CSMD1: variants seen among roughly 807,000 people sequenced by gnomAD.
The protein encoded by CSMD1 is CUB and sushi domain-containing protein 1.
Under a neutral mutation model 417.5 loss-of-function variants are expected in CSMD1, and 213 were observed. The ratio of observed to expected loss-of-function variants is 0.51; its 90% CI spans 0.46 to 0.57. The LOEUF is 0.57. Ranked by LOEUF, CSMD1 falls within the 20% of genes least tolerant of loss-of-function variation. The pLI is 0.00. For missense variants in CSMD1, 6,923 were observed against 4,529.7 expected (o/e 1.53, Z -15.17); for synonymous variants, 2,862 against 1,736.8 (o/e 1.65, Z -16.11).
chr8:4,461,304 G>A (rs898784619), intron 2 of CSMD1, among the ~76,000 whole-genome samples: 1 of 151,942 alleles, frequency 6.6e-6, no homozygotes, highest in Non-Finnish European at 1.5e-5. Context: ...AACATTTTCT[G>A]CCTAAAATCA....
At position 3,770,354 on chromosome 8, in the gene CSMD1, C is replaced by T. The variant is rs935783759; in HGVS notation, c.819-16312G>A. On this transcript the variant is annotated intron_variant, in intron 5 of 69. Transcript: ENST00000635120. The stretch of plus-strand genomic sequence containing the variant: ...GACCAGCCTGTCCTATGTGGTGAAA[C>T]CCCGTCTCTACTAAAAATACAAAAA... 3.9e-5 allele frequency among the ~76,000 whole-genome samples: 6 copies of T among 152,228 alleles called. No homozygotes were observed. The South Asian group carries it at 8.3e-4, about 21-fold the overall frequency.
At chr8:4,823,533 G>A (rs905322132) in intron 1 of CSMD1, among the ~76,000 whole-genome samples, 2 of 152,016 alleles carry the variant, frequency 1.3e-5, no homozygotes, top group African/African-American at 4.8e-5. Flanking sequence ...CTATACTGAA[G>A]GCTCACTTAG....
chr8:3,542,147 A>G (rs1181652987), intron 10 of CSMD1, among the ~76,000 whole-genome samples: 1 of 152,222 alleles, frequency 6.6e-6, no homozygotes, highest in Non-Finnish European at 1.5e-5. Context: ...ATCCCTTTAA[A>G]GTTACATTAT....
intron 26 of CSMD1, among the ~76,000 whole-genome samples, chr8:3,231,323 C>G (rs552543584): frequency 6.6e-6 from 1 of 151,986 alleles, no homozygotes; most frequent in Non-Finnish European, 1.5e-5. Flanking sequence ...CTGACTTTTT[C>G]TCTGCAAAGT....
At chr8:4,190,957 G>GC (rs1439709594) in intron 3 of CSMD1, among the ~76,000 whole-genome samples, 3 of 152,044 alleles carry the variant, frequency 2.0e-5, no homozygotes, top group African/African-American at 7.2e-5. Flanking sequence ...GGAGAGTGGG[G>GC]GGGGCGGGGA....
intron 3 of CSMD1, among the ~76,000 whole-genome samples, chr8:4,236,266 T>A (rs1429609948): frequency 1.3e-5 from 2 of 152,052 alleles, no homozygotes; most frequent in Non-Finnish European, 2.9e-5. Context: ...TTATTTGTAA[T>A]TGGCACACTG....
chr8:3,894,704 C>T (rs933989219), intron 5 of CSMD1, among the ~76,000 whole-genome samples: 1 of 152,082 alleles, frequency 6.6e-6, no homozygotes, highest in African/African-American at 2.4e-5. Flanking sequence ...TTCCTGCCTC[C>T]AACTATATGA....
intron 2 of CSMD1, among the ~76,000 whole-genome samples, chr8:4,540,119 T>C (rs769771750): frequency 3.9e-5 from 6 of 152,156 alleles, no homozygotes; most frequent in Non-Finnish European, 7.3e-5. Flanking sequence ...CCTATGAATA[T>C]ATAAACACCG....
At chr8:4,544,811 C>T (rs541234711) in intron 2 of CSMD1, among the ~76,000 whole-genome samples, 4 of 152,304 alleles carry the variant, frequency 2.6e-5, no homozygotes, top group African/African-American at 9.6e-5. Context: ...GAATTAGCTA[C>T]CTGTAACACA....
intron 2 of CSMD1, among the ~76,000 whole-genome samples, chr8:4,498,829 T>C (rs929641644): frequency 2.0e-5 from 3 of 152,108 alleles, no homozygotes; most frequent in Non-Finnish European, 4.4e-5. Flanking sequence ...ACTTGGCAGC[T>C]AAGGGTAATT....
At position 3,307,092 on chromosome 8, in the gene CSMD1, T is replaced by G. The variant is rs187900730; in HGVS notation, c.3950+603A>C. 8.6e-3 allele frequency among the ~76,000 whole-genome samples: 1,314 copies of G among 152,306 alleles called. 9 individuals carry two copies. Among genetic ancestry groups the G allele is most frequent in the Non-Finnish European group, 0.014 (967 of 68,022 alleles). On this transcript the variant is annotated intron_variant, in intron 25 of 69. Transcript: ENST00000635120. The stretch of plus-strand genomic sequence containing the variant: ...CACACAAGTCTTTTTAAAATATGAC[T>G]TTGCTTCTCTTCCTATTAAAAGAAC...
At chr8:4,454,030 GC>G (rs1563192522) in intron 2 of CSMD1, among the ~76,000 whole-genome samples, 1 of 151,702 alleles carries the variant, frequency 6.6e-6, no homozygotes, top group East Asian at 1.9e-4. Flanking sequence ...CACCGTGTTA[GC>G]CGGGATGGTC....
chr8:4,277,509 C>T (rs572564293), intron 3 of CSMD1, among the ~76,000 whole-genome samples: 15 of 152,194 alleles, frequency 9.9e-5, no homozygotes, highest in African/African-American at 3.6e-4. Context: ...TTTCCTGGTG[C>T]CATGTTTTTC....
At chr8:3,452,347 C>A (rs1815787967) in intron 12 of CSMD1, among the ~76,000 whole-genome samples, 1 of 152,160 alleles carries the variant, frequency 6.6e-6, no homozygotes, top group Non-Finnish European at 1.5e-5. Flanking sequence ...GAACATCCAA[C>A]TCTATGTTGA....
rs758026325 is a variant in CSMD1, at chr8:3,300,456, C to G, written c.3950+7239G>C. ...GCTTATCCTGCACATAATGAGTGGACAAAATAGTTTTTGTTTTTATAGCAA... is the reference window on the plus strand; with the variant it reads ...GCTTATCCTGCACATAATGAGTGGAGAAAATAGTTTTTGTTTTTATAGCAA... On this transcript the variant is annotated intron_variant, in intron 25 of 69. Coordinates refer to ENST00000635120, the MANE Select transcript of CSMD1 (RefSeq NM_033225.6). Among the ~76,000 whole-genome samples, 40 of 151,824 alleles carry G rather than the reference C, an allele frequency of 2.6e-4. 1 individual carries two copies. The highest frequency in any genetic ancestry group is 5.4e-4 in the Non-Finnish European group (37 of 67,984).
chr8:4,744,539 T>C (rs1810826781), intron 1 of CSMD1, among the ~76,000 whole-genome samples: 1 of 152,216 alleles, frequency 6.6e-6, no homozygotes, highest in Non-Finnish European at 1.5e-5. Flanking sequence ...CCTGTCTATA[T>C]TTAGAGTAGC....
chr8:3,219,362 T>C lies in CSMD1; in HGVS notation c.4565A>G (p.Gln1522Arg). ...DSNSPLIGSY[Q>R]GSQAPERIES... is the part of the protein sequence containing the mutation. ...TATTCTTTCTGGGGCCTGAGAGCCC[T>C]GGTAACTCCCAATGAGGGGGCTGTT... The change falls in exon 29 of 70, where the codon CAG (glutamine) becomes CGG (arginine). Residue 1522 changes from glutamine (Q) to arginine (R), a missense_variant. By Grantham distance (43) the Gln-to-Arg change is conservative. Transcript: ENST00000635120. 6.4e-7 allele frequency: 1 copy of C among 1,573,014 alleles called. No individual in the cohort carries two copies. Among genetic ancestry groups the C allele is most frequent in the Non-Finnish European group, 8.6e-7 (1 of 1,158,238 alleles).
chr8:3,459,967 ACACT>A (rs1331086365), intron 12 of CSMD1, among the ~76,000 whole-genome samples: 1 of 152,204 alleles, frequency 6.6e-6, no homozygotes, highest in Non-Finnish European at 1.5e-5. Context: ...ACTGGCTAAG[ACACT>A]CACTCACATT....
intron 7 of CSMD1, among the ~76,000 whole-genome samples, chr8:3,643,833 A>T (rs894850581): frequency 3.3e-5 from 5 of 152,120 alleles, no homozygotes; most frequent in Non-Finnish European, 7.4e-5. Context: ...TAAGTTAATT[A>T]AGCTACCTAT....
Sources: allele counts gnomAD v4.1 joint callset (sites outside exome capture counted in the v4.1 genomes callset), GRCh38; gene constraint gnomAD v4.1.1; transcripts MANE v1.5; gene names NCBI Gene and HGNC (gene_info 2026-07-23, HGNC 2026-07-21).